Variants in DOK6 observed in about 807,000 individuals in gnomAD.
The protein encoded by DOK6 is docking protein 6.
Under a neutral mutation model 44.0 loss-of-function variants are expected in DOK6, and 22 were observed. The observed-to-expected ratio is 0.50, with a 90% confidence interval of 0.36 to 0.71. The LOEUF is 0.71. Ranked by LOEUF, DOK6 falls within the 30% of genes least tolerant of loss-of-function variation. The pLI, the probability that DOK6 is intolerant of heterozygous loss-of-function variation, is 0.00. For missense variants in DOK6, 340 were observed against 416.4 expected (o/e 0.82, Z 1.60); for synonymous variants, 166 against 145.5 (o/e 1.14, Z -1.01).
intron 3 of DOK6, among the ~76,000 whole-genome samples, chr18:69,671,375 T>C (rs1170507646): frequency 6.6e-6 from 1 of 152,234 alleles, no homozygotes; most frequent in African/African-American, 2.4e-5. Flanking sequence ...ATTATCTGCA[T>C]CAAAGATGCA....
At chr18:69,682,227 G>A (rs1986061050) in intron 4 of DOK6, among the ~76,000 whole-genome samples, 1 of 152,142 alleles carries the variant, frequency 6.6e-6, no homozygotes, top group Non-Finnish European at 1.5e-5. Context: ...AACTAAACAA[G>A]AAATGTAAAA....
chr18:69,703,933 A>T (rs1986576187), intron 5 of DOK6, among the ~76,000 whole-genome samples: 1 of 152,148 alleles, frequency 6.6e-6, no homozygotes, highest in Non-Finnish European at 1.5e-5. Context: ...GCTTTATAAG[A>T]AGGAGAAAGA....
chr18:69,537,680 C>T (rs1982159842), intron 1 of DOK6, among the ~76,000 whole-genome samples: 1 of 152,170 alleles, frequency 6.6e-6, no homozygotes, highest in Non-Finnish European at 1.5e-5. Flanking sequence ...ACTTCTACTT[C>T]AGTTCCAATT....
intron 1 of DOK6, among the ~76,000 whole-genome samples, chr18:69,426,545 C>T (rs1978640684): frequency 6.6e-6 from 1 of 151,986 alleles, no homozygotes; most frequent in South Asian, 2.1e-4. Flanking sequence ...AACGACTAAA[C>T]TTTGGGCCAT....
At chr18:69,811,528 A>T (rs1372244898) in intron 7 of DOK6, among the ~76,000 whole-genome samples, 2 of 7,480 alleles carry the variant, frequency 2.7e-4, no homozygotes, top group South Asian at 5.6e-3. Flanking sequence ...ATTCCATTAT[A>T]TATATATATA....
intron 7 of DOK6, among the ~76,000 whole-genome samples, chr18:69,767,450 A>G (rs778539646): frequency 6.6e-6 from 1 of 152,128 alleles, no homozygotes; most frequent in Non-Finnish European, 1.5e-5. Context: ...TATATTGCTC[A>G]GTCCAGGTAG....
chr18:69,725,078 T>C (rs886901409), intron 5 of DOK6: 23 of 152,238 alleles, frequency 1.5e-4, no homozygotes, highest in African/African-American at 5.5e-4. Flanking sequence ...CCCTGAATTC[T>C]CCTGAAGGTG....
intron 3 of DOK6, among the ~76,000 whole-genome samples, chr18:69,671,131 T>C (rs1287723834): frequency 6.6e-6 from 1 of 152,228 alleles, no homozygotes; most frequent in African/African-American, 2.4e-5. Context: ...TAAAGAATTT[T>C]ACAATGAATT....
At chr18:69,619,251 A>G (rs1984384402) in intron 3 of DOK6, among the ~76,000 whole-genome samples, 1 of 152,224 alleles carries the variant, frequency 6.6e-6, no homozygotes, top group African/African-American at 2.4e-5. Flanking sequence ...TGGGGCTTCT[A>G]TAGCTTGAGG....
chr18:69,670,562 T>G (rs1448891882), intron 3 of DOK6, among the ~76,000 whole-genome samples: 2 of 147,044 alleles, frequency 1.4e-5, no homozygotes, highest in African/African-American at 5.0e-5. Flanking sequence ...CAGGCTGGAG[T>G]ACAGTGGCAT....
rs559826290 is a variant in DOK6 at position 69,402,822 on chromosome 18, AG to A, written c.66+1515del. On this transcript the variant is annotated intron_variant, in intron 1 of 7. Transcript: ENST00000382713. ...GAGTCAGATCCTCGGCCAGGTTTCA[AG>A]GGCTTTTCTTGGGTAGAAGAAAGCG... Among the ~76,000 whole-genome samples the A allele has an allele frequency of 1.3e-3, 192 of 152,322 alleles. 2 individuals carry two copies. Among genetic ancestry groups the A allele is most frequent in the African/African-American group, 4.3e-3 (178 of 41,580 alleles).
chr18:69,527,947 A>G (rs1218201011), intron 1 of DOK6, among the ~76,000 whole-genome samples: 1 of 152,104 alleles, frequency 6.6e-6, no homozygotes, highest in Non-Finnish European at 1.5e-5. Context: ...GCGGATCACG[A>G]GGTCAGGAGA....
intron 4 of DOK6, among the ~76,000 whole-genome samples, chr18:69,687,493 C>T (rs530968677): frequency 1.3e-5 from 2 of 152,220 alleles, no homozygotes; most frequent in Admixed American, 1.3e-4. Context: ...ACCAGCCTGG[C>T]CAATATGGTG....
In DOK6 at chr18:69,837,613, A is replaced by G. The variant is rs192973086; in HGVS notation, c.857-3631A>G. Among the ~76,000 whole-genome samples the G allele has an allele frequency of 2.4e-4, 36 of 151,612 alleles. No homozygotes were observed. The East Asian group carries it at 6.4e-3, about 27-fold the overall frequency. On this transcript the variant is annotated intron_variant, in intron 7 of 7. Transcript: ENST00000382713. ...CAAGAATATCACCCCTTTAGTGCAG[A>G]AAAAAGAAAATTAACATTTATTGCC...
chr18:69,822,594 T>A (rs1287507474), intron 7 of DOK6, among the ~76,000 whole-genome samples: 1 of 152,202 alleles, frequency 6.6e-6, no homozygotes, highest in Non-Finnish European at 1.5e-5. Context: ...ATTATCTTTT[T>A]TGTACTGGAA....
At chr18:69,707,439 A>G (rs189585434) in intron 5 of DOK6, among the ~76,000 whole-genome samples, 2 of 152,050 alleles carry the variant, frequency 1.3e-5, no homozygotes, top group East Asian at 3.9e-4. Context: ...ACTGCTAAAT[A>G]TCATTCTCCC....
intron 6 of DOK6, among the ~76,000 whole-genome samples, chr18:69,749,868 G>A (rs1979114159): frequency 6.6e-6 from 1 of 151,088 alleles, no homozygotes; most frequent in Admixed American, 6.6e-5. Context: ...TTGAACCTGG[G>A]AGGCGAAGGT....
chr18:69,763,911 A>G (rs1417425933), intron 7 of DOK6, among the ~76,000 whole-genome samples: 4 of 152,218 alleles, frequency 2.6e-5, no homozygotes, highest in Admixed American at 2.0e-4. Context: ...TAAAGCATAC[A>G]TGGAGATATG....
intron 7 of DOK6, among the ~76,000 whole-genome samples, chr18:69,790,485 T>A (rs1313286329): frequency 6.6e-6 from 1 of 152,200 alleles, no homozygotes; most frequent in Non-Finnish European, 1.5e-5. Flanking sequence ...GTCTAGAATG[T>A]GTTTATAATT....
Sources: allele counts gnomAD v4.1 joint callset (sites outside exome capture counted in the v4.1 genomes callset), GRCh38; gene constraint gnomAD v4.1.1; transcripts MANE v1.5; gene names NCBI Gene and HGNC (gene_info 2026-07-23, HGNC 2026-07-21).